CBL: variants seen among roughly 807,000 people sequenced by gnomAD.
The protein encoded by CBL is E3 ubiquitin-protein ligase CBL.
Under a neutral mutation model 96.9 loss-of-function variants are expected in CBL, and 45 were observed. The ratio of observed to expected loss-of-function variants is 0.46; its 90% CI spans 0.37 to 0.60. The LOEUF is 0.60. Ranked by LOEUF, CBL falls within the 20% of genes least tolerant of loss-of-function variation. CBL has a pLI of 0.00. For missense variants in CBL, 1,024 were observed against 1,143.5 expected (o/e 0.90, Z 1.51); for synonymous variants, 420 against 426.8 (o/e 0.98, Z 0.20).
intron 2 of CBL, among the ~76,000 whole-genome samples, chr11:119,266,780 C>T (rs1313416379): frequency 6.6e-6 from 1 of 152,100 alleles, no homozygotes; most frequent in African/African-American, 2.4e-5. Flanking sequence ...GAGTGGAAGG[C>T]GAATGACCTC....
At chr11:119,287,487 G>A (rs562256298) in intron 11 of CBL, among the ~76,000 whole-genome samples, 23 of 152,310 alleles carry the variant, frequency 1.5e-4, no homozygotes, top group Non-Finnish European at 2.2e-4. Flanking sequence ...CCTAATTAGT[G>A]AGTGTGGATT....
At chr11:119,269,066 A>G (rs1283170255) in intron 2 of CBL, among the ~76,000 whole-genome samples, 1 of 152,128 alleles carries the variant, frequency 6.6e-6, no homozygotes, top group Non-Finnish European at 1.5e-5. Context: ...ATACATTGGG[A>G]TTAACTTGTG....
At position 119,300,732 on chromosome 11, in the gene CBL, T is replaced by C. The variant is rs1050114803; in HGVS notation, c.*951T>C. ...CTCCCCAGAAAATAGTCTGTGGGAG[T>C]CAGTTGCCTTGGTGCCAGGTATGTG... is the stretch of plus-strand genomic sequence containing the variant. On this transcript the variant is annotated 3_prime_UTR_variant, in exon 16 of 16. Coordinates refer to ENST00000264033, the MANE Select transcript of CBL (RefSeq NM_005188.4). 1.8e-5 allele frequency: 7 copies of C among 396,068 alleles called. No homozygotes were observed. The highest frequency in any genetic ancestry group is 1.3e-4 in the Admixed American group (3 of 22,634). 24.5% of individuals were successfully genotyped at this position (396,068 alleles called of 1,614,324 possible).
At chr11:119,242,564 A>G (rs950257785) in intron 2 of CBL, among the ~76,000 whole-genome samples, 3 of 146,144 alleles carry the variant, frequency 2.1e-5, no homozygotes, top group African/African-American at 7.5e-5. Context: ...AAAGACCAGC[A>G]CGGCACCATA....
chr11:119,260,534 A>G (rs1439906778), intron 2 of CBL, among the ~76,000 whole-genome samples: 1 of 152,176 alleles, frequency 6.6e-6, no homozygotes. Flanking sequence ...TGGGATTGTA[A>G]GTGAGAATTA....
intron 1 of CBL, among the ~76,000 whole-genome samples, chr11:119,207,597 T>G (rs1158049334): frequency 6.6e-6 from 1 of 152,250 alleles, no homozygotes; most frequent in African/African-American, 2.4e-5. Flanking sequence ...TACTTCCTTA[T>G]AGTTGTGTCT....
chr11:119,272,643 A>G (rs2135297834), intron 3 of CBL, among the ~76,000 whole-genome samples: 1 of 152,326 alleles, frequency 6.6e-6, no homozygotes, highest in South Asian at 2.1e-4. Context: ...AGTTTGGCTA[A>G]CGCTGGCGAT....
intron 12 of CBL, among the ~76,000 whole-genome samples, chr11:119,294,597 C>T (rs1950050971): frequency 6.6e-6 from 1 of 151,838 alleles, no homozygotes; most frequent in Non-Finnish European, 1.5e-5. Flanking sequence ...TCGAGACCAT[C>T]CTGGCCAATA....
chr11:119,229,644 A>G (rs1194047713), intron 1 of CBL, among the ~76,000 whole-genome samples: 1 of 152,222 alleles, frequency 6.6e-6, no homozygotes, highest in Admixed American at 6.5e-5. Context: ...CAAAAACTTA[A>G]GAAAACAAGA....
At chr11:119,296,370 T>C (rs1417575250) in intron 12 of CBL, among the ~76,000 whole-genome samples, 1 of 152,154 alleles carries the variant, frequency 6.6e-6, no homozygotes, top group Non-Finnish European at 1.5e-5. Flanking sequence ...GAAAGTTACA[T>C]GTGGATATAA....
At position 119,278,232 on chromosome 11, in the gene CBL, G is replaced by T. The variant is rs911329155; in HGVS notation, c.1162G>T (p.Asp388Tyr). The T allele has an allele frequency of 6.2e-7, 1 of 1,612,486 alleles. No individual in the cohort carries two copies. The highest frequency in any genetic ancestry group is 8.5e-7 in the Non-Finnish European group (1 of 1,178,728). The change falls in exon 8 of 16, where the codon GAT (aspartate) becomes TAT (tyrosine). Residue 388 changes from aspartate (D) to tyrosine (Y), a missense_variant. By Grantham distance (160) the Asp-to-Tyr change is radical. This residue lies in a region of CBL where 695 missense variants were observed against 661.6 expected (regional missense o/e 1.05). Coordinates refer to ENST00000264033, the MANE Select transcript of CBL (RefSeq NM_005188.4). ...FQLCKICAEN[D>Y]KDVKIEPCGH... is the part of the protein sequence containing the mutation. ...ACTATGTAAAATATGTGCTGAAAAT[G>T]ATAAGGATGTAAAGATTGAGCCCTG...
At chr11:119,249,274 G>A (rs1258906542) in intron 2 of CBL, among the ~76,000 whole-genome samples, 1 of 152,118 alleles carries the variant, frequency 6.6e-6, no homozygotes, top group African/African-American at 2.4e-5. Flanking sequence ...TGAAATTTTC[G>A]ACTGGGCGTG....
rs1313299985 is a variant in CBL, at chr11:119,298,480, G to A, written c.2374G>A (p.Asp792Asn). Residue 792 changes from aspartate (D) to asparagine (N), a missense_variant, in exon 15 of 16, where the codon GAT becomes AAT. By Grantham distance (23) the Asp-to-Asn change is conservative (BLOSUM62 1). Coordinates refer to ENST00000264033, the MANE Select transcript of CBL (RefSeq NM_005188.4). Reference protein sequence around the residue: ...PAVLARRTLSDISNASSSFGW... With the variant: ...PAVLARRTLSNISNASSSFGW... ...CGTGCTGGCCCGCCGAACTCTCTCA[G>A]ATATCTCTAATGCCAGCTCCTCCTT... is the stretch of plus-strand genomic sequence containing the variant. 1 of 1,614,220 alleles carries A rather than the reference G, an allele frequency of 6.2e-7. No homozygotes were observed. The highest frequency in any genetic ancestry group is 1.1e-5 in the South Asian group (1 of 91,076).
In CBL at chr11:119,292,072, C is replaced by T. The variant is rs142545242; in HGVS notation, c.2036+4126C>T. Among the ~76,000 whole-genome samples, 489 of 152,222 alleles carry T rather than the reference C, an allele frequency of 3.2e-3. 1 individual carries two copies. The highest frequency in any genetic ancestry group is 0.011 in the African/African-American group (450 of 41,538). On this transcript the variant is annotated intron_variant, in intron 12 of 15. Transcript: ENST00000264033. ...TTCACCATTTTGGCCAGGCTGGTCT[C>T]GAACTGCTAATGTCAAATGATCCAC...
intron 1 of CBL, among the ~76,000 whole-genome samples, chr11:119,225,049 GGTGTGTGT>G (rs143591231): frequency 1.3e-5 from 2 of 148,892 alleles, no homozygotes; most frequent in Non-Finnish European, 3.0e-5. Context: ...AACTCTTTGG[GGTGTGTGT>G]GTGTGTGTGT....
At position 119,286,112 on chromosome 11, in the gene CBL, A is replaced by T. The variant is rs187959740; in HGVS notation, c.1941+546A>T. 9.1e-4 allele frequency among the ~76,000 whole-genome samples: 138 copies of T among 152,208 alleles called. 1 individual carries two copies. The highest frequency in any genetic ancestry group is 3.0e-3 in the African/African-American group (123 of 41,548). ...TCAGGAGTTTGAGACCACCCTGGCTAACATGATGAAACCCCGTCTCTACTA... is the reference window on the plus strand; with the variant it reads ...TCAGGAGTTTGAGACCACCCTGGCTTACATGATGAAACCCCGTCTCTACTA... On this transcript the variant is annotated intron_variant, in intron 11 of 15. Coordinates refer to ENST00000264033, the MANE Select transcript of CBL (RefSeq NM_005188.4).
Position 119,277,241 on chromosome 11 carries a change from G to GCACACACACACACACA in CBL, c.1008-501_1008-486dup, listed in dbSNP as rs59099916. Among the ~76,000 whole-genome samples the GCACACACACACACACA allele has an allele frequency of 6.0e-3, 872 of 146,426 alleles. 1 individual carries two copies. The highest frequency in any genetic ancestry group is 8.3e-3 in the African/African-American group (328 of 39,330). Reference sequence around the variant, plus strand: ...CAAAAAAAAAATAAGAATCTGTCGCGCACACACACACACACACACACACAC... The same window carrying GCACACACACACACACA: ...CAAAAAAAAAATAAGAATCTGTCGCGCACACACACACACACACACACACACACACACACACACACAC... On this transcript the variant is annotated intron_variant, in intron 6 of 15. Coordinates refer to ENST00000264033, the MANE Select transcript of CBL (RefSeq NM_005188.4).
intron 12 of CBL, 57 bp from the exon 13 acceptor site, chr11:119,296,861 C>T: frequency 3.4e-6 from 3 of 879,590 alleles, no homozygotes; most frequent in Non-Finnish European, 5.8e-6. Context: ...TTATTTTATA[C>T]TTCAAAGTTT....
intron 2 of CBL, among the ~76,000 whole-genome samples, chr11:119,255,249 C>T (rs1341703649): frequency 2.0e-5 from 3 of 151,966 alleles, no homozygotes; most frequent in African/African-American, 7.3e-5. Flanking sequence ...TGGAGAAACT[C>T]CTGGCCAGAG....
Sources: allele counts gnomAD v4.1 joint callset (sites outside exome capture counted in the v4.1 genomes callset), GRCh38; gene constraint gnomAD v4.1.1; regional missense constraint gnomAD v4.1.1; transcripts MANE v1.5; gene names NCBI Gene and HGNC (gene_info 2026-07-23, HGNC 2026-07-21).